Variants in SLC24A3 observed in about 807,000 individuals in gnomAD.
SLC24A3 encodes the protein sodium/potassium/calcium exchanger 3.
Under a neutral mutation model 75.8 loss-of-function variants are expected in SLC24A3, and 28 were observed. The observed-to-expected ratio is 0.37, with a 90% CI of 0.27 to 0.51. The LOEUF is 0.51. Among genes scored for constraint, SLC24A3 ranks in the 20% least tolerant of loss-of-function variants. SLC24A3 has a pLI of 0.94. For synonymous variants in SLC24A3, 372 were observed against 334.1 expected (o/e 1.11, Z -1.24); for missense variants, 663 against 847.8 (o/e 0.78, Z 2.71).
intron 6 of SLC24A3, among the ~76,000 whole-genome samples, chr20:19,636,281 G>A (rs1040812804): frequency 2.0e-5 from 3 of 152,136 alleles, no homozygotes; most frequent in African/African-American, 7.2e-5. Context: ...GGATATATAG[G>A]TCCCCAACTC....
chr20:19,257,130 T>G (rs1982839038), intron 1 of SLC24A3, among the ~76,000 whole-genome samples: 1 of 152,162 alleles, frequency 6.6e-6, no homozygotes. Flanking sequence ...TTCATTTGGG[T>G]CTTTTTGAAA....
At chr20:19,607,988 G>A (rs2031620231) in intron 6 of SLC24A3, among the ~76,000 whole-genome samples, 1 of 152,188 alleles carries the variant, frequency 6.6e-6, no homozygotes, top group African/African-American at 2.4e-5. Flanking sequence ...TTGTGCTTAT[G>A]TTGTTCTTCC....
intron 2 of SLC24A3, among the ~76,000 whole-genome samples, chr20:19,311,510 C>A (rs1984456833): frequency 6.6e-6 from 1 of 152,130 alleles, no homozygotes; most frequent in Non-Finnish European, 1.5e-5. Flanking sequence ...TACATCCACT[C>A]AGAGTGATCA....
chr20:19,612,364 T>C (rs2031681427), intron 6 of SLC24A3, among the ~76,000 whole-genome samples: 1 of 152,128 alleles, frequency 6.6e-6, no homozygotes. Context: ...AGGGCGAATA[T>C]GGTTGACAGT....
At chr20:19,264,819 A>C (rs569120923) in intron 1 of SLC24A3, among the ~76,000 whole-genome samples, 1 of 152,124 alleles carries the variant, frequency 6.6e-6, no homozygotes, top group South Asian at 2.1e-4. Context: ...TGAGGAACGG[A>C]AGCCACAGCC....
At chr20:19,525,229 G>A (rs2030176979) in intron 3 of SLC24A3, among the ~76,000 whole-genome samples, 1 of 152,170 alleles carries the variant, frequency 6.6e-6, no homozygotes. Context: ...CCAGGAACCT[G>A]GATATGCAGA....
chr20:19,441,060 T>A lies in SLC24A3; in HGVS notation c.272-74428T>A, dbSNP rs76021710. Among the ~76,000 whole-genome samples, 804 of 152,286 alleles carry A rather than the reference T, an allele frequency of 5.3e-3. 7 individuals are homozygous for A. The highest frequency in any genetic ancestry group is 0.015 in the African/African-American group (608 of 41,570). ...ACCTGCAGCCATGTTTCAGACAAGA[T>A]TGTGCACCCACTCCTGGGTGAGGCA... On this transcript the variant is annotated intron_variant, in intron 2 of 16. Transcript: ENST00000328041.
chr20:19,603,872 G>A (rs907769052), intron 6 of SLC24A3, among the ~76,000 whole-genome samples: 4 of 152,186 alleles, frequency 2.6e-5, no homozygotes, highest in African/African-American at 9.7e-5. Context: ...GAGCAACTGA[G>A]CAATGGTAGC....
chr20:19,358,972 T>C (rs1985738534), intron 2 of SLC24A3, among the ~76,000 whole-genome samples: 1 of 152,240 alleles, frequency 6.6e-6, no homozygotes, highest in Non-Finnish European at 1.5e-5. Flanking sequence ...TATAACTGAA[T>C]GATAGTCCAC....
At chr20:19,642,373 G>C (rs1020229381) in intron 6 of SLC24A3, among the ~76,000 whole-genome samples, 1 of 152,210 alleles carries the variant, frequency 6.6e-6, no homozygotes, top group Non-Finnish European at 1.5e-5. Flanking sequence ...ACATTGCTGA[G>C]CATCTGTTAT....
chr20:19,475,852 T>C (rs1399770470), intron 2 of SLC24A3, among the ~76,000 whole-genome samples: 1 of 152,258 alleles, frequency 6.6e-6, no homozygotes, highest in Admixed American at 6.5e-5. Context: ...ATTTTCTTCC[T>C]ACTCTATACT....
chr20:19,461,791 C>A (rs921202177), intron 2 of SLC24A3, among the ~76,000 whole-genome samples: 2 of 152,114 alleles, frequency 1.3e-5, no homozygotes, highest in African/African-American at 2.4e-5. Context: ...CCTCTGCCTC[C>A]CTAAGTGCTG....
intron 2 of SLC24A3, among the ~76,000 whole-genome samples, chr20:19,456,471 C>A (rs574701112): frequency 6.6e-6 from 1 of 152,182 alleles, no homozygotes; most frequent in Non-Finnish European, 1.5e-5. Context: ...CCATGTAAGA[C>A]GGGACTTGCT....
chr20:19,678,896 T>C (rs1302307281), intron 9 of SLC24A3, among the ~76,000 whole-genome samples: 10 of 145,732 alleles, frequency 6.9e-5, no homozygotes, highest in Admixed American at 6.8e-4. Context: ...TCTCCTCACA[T>C]CCGAAACGGA....
intron 2 of SLC24A3, among the ~76,000 whole-genome samples, chr20:19,469,146 T>C (rs1332252887): frequency 6.6e-6 from 1 of 151,986 alleles, no homozygotes; most frequent in Non-Finnish European, 1.5e-5. Context: ...GGCATCACCA[T>C]GATTGTGACA....
At chr20:19,488,081 G>T (rs1600249970) in intron 2 of SLC24A3, among the ~76,000 whole-genome samples, 1 of 152,182 alleles carries the variant, frequency 6.6e-6, no homozygotes, top group African/African-American at 2.4e-5. Context: ...TGATGGGGCT[G>T]GTCAAGAGAG....
intron 2 of SLC24A3, among the ~76,000 whole-genome samples, chr20:19,419,325 C>G (rs1048552154): frequency 6.6e-6 from 1 of 151,914 alleles, no homozygotes; most frequent in Non-Finnish European, 1.5e-5. Context: ...TTGCCAAACC[C>G]CCTCTCCTGC....
At chr20:19,318,847 G>A (rs1018038145) in intron 2 of SLC24A3, among the ~76,000 whole-genome samples, 3 of 152,118 alleles carry the variant, frequency 2.0e-5, no homozygotes, top group African/African-American at 4.8e-5. Flanking sequence ...TGCCTGCGAG[G>A]GGAGATAAAT....
rs1982467780 is a variant in SLC24A3 at position 19,245,715 on chromosome 20, A to C, written c.142+32731A>C. ...TTTAAGAGCAAAACATTATTATTTG[A>C]GACGATTTTAATGCTAATGGTAATT... On this transcript the variant is annotated intron_variant, in intron 1 of 16. Transcript: ENST00000328041. Among the ~76,000 whole-genome samples the C allele has an allele frequency of 2.0e-5, 3 of 152,266 alleles. No homozygotes were observed. The South Asian group carries it at 6.2e-4, about 32-fold the overall frequency.
Sources: allele counts gnomAD v4.1 joint callset (sites outside exome capture counted in the v4.1 genomes callset), GRCh38; gene constraint gnomAD v4.1.1; transcripts MANE v1.5; gene names NCBI Gene and HGNC (gene_info 2026-07-23, HGNC 2026-07-21).